The following CSMD1 variants were observed in gnomAD, a reference collection of about 807,000 sequenced individuals.
The protein encoded by CSMD1 is CUB and Sushi multiple domains 1, also known as CUB and sushi domain-containing protein 1.
Under a neutral mutation model 417.5 loss-of-function variants are expected in CSMD1, and 213 were observed. The observed-to-expected ratio is 0.51, with a 90% CI of 0.46 to 0.57. The LOEUF (loss-of-function observed/expected upper bound fraction) is 0.57, where lower values mean the gene tolerates loss of function less well. Among genes scored for constraint, CSMD1 ranks in the 20% least tolerant of loss-of-function variants. The probability of loss-of-function intolerance (pLI) is 0.00; values close to 1 mark genes in which losing one functional copy is unlikely to be tolerated. For synonymous variants in CSMD1, 2,862 were observed against 1,736.8 expected (o/e 1.65, Z -16.11); for missense variants, 6,923 against 4,529.7 (o/e 1.53, Z -15.17).
chr8:4,097,100 C>G (rs1294501430), intron 3 of CSMD1, among the ~76,000 whole-genome samples: 33 of 152,148 alleles, frequency 2.2e-4, no homozygotes, highest in Admixed American at 2.2e-3. Context: ...AGAAGCACGG[C>G]TGTGCCTTCC....
At chr8:3,448,924 C>A (rs1188499164) in intron 12 of CSMD1, among the ~76,000 whole-genome samples, 1 of 152,180 alleles carries the variant, frequency 6.6e-6, no homozygotes, top group Admixed American at 6.5e-5. Flanking sequence ...GAATGAGCCA[C>A]CTTCCCCCAA....
At chr8:4,241,557 C>T (rs1802403061) in intron 3 of CSMD1, among the ~76,000 whole-genome samples, 2 of 152,144 alleles carry the variant, frequency 1.3e-5, no homozygotes, top group African/African-American at 2.4e-5. Flanking sequence ...CCATGCTTAG[C>T]ACAAAAGATG....
intron 3 of CSMD1, among the ~76,000 whole-genome samples, chr8:4,096,765 AT>A (rs534475990): frequency 1.2e-3 from 189 of 152,270 alleles, no homozygotes; most frequent in African/African-American, 4.2e-3. Context: ...TTTCCCTGCA[AT>A]TTAGAAGACA....
intron 1 of CSMD1, among the ~76,000 whole-genome samples, chr8:4,888,919 G>T (rs1440856374): frequency 6.6e-6 from 1 of 152,026 alleles, no homozygotes; most frequent in Admixed American, 6.5e-5. Flanking sequence ...ATAATTAAAT[G>T]AGTTAATGAA....
chr8:4,259,951 G>T (rs946311789), intron 3 of CSMD1, among the ~76,000 whole-genome samples: 3 of 151,794 alleles, frequency 2.0e-5, no homozygotes, highest in Non-Finnish European at 2.9e-5. Context: ...GCTAACAAAT[G>T]TAATTGTTTC....
chr8:3,939,424 A>G (rs1563232598), intron 5 of CSMD1, among the ~76,000 whole-genome samples: 1 of 152,152 alleles, frequency 6.6e-6, no homozygotes, highest in Admixed American at 6.6e-5. Flanking sequence ...TGTATAAACT[A>G]CTACAACTAC....
At position 3,412,095 on chromosome 8, in the gene CSMD1, TATATATAC is replaced by T. The variant is rs761637060; in HGVS notation, c.1562-2498_1562-2491del. 9.6e-5 allele frequency among the ~76,000 whole-genome samples: 11 copies of T among 114,320 alleles called. 1 individual carries two copies. The highest frequency in any genetic ancestry group is 1.9e-4 in the African/African-American group (5 of 26,392). 75.0% of individuals were successfully genotyped at this position (114,320 alleles called of 152,430 possible). A position where few individuals can be genotyped will look rare whatever the true frequency, so the allele number is the denominator to read the frequency against. On this transcript the variant is annotated intron_variant, in intron 12 of 69. Coordinates refer to ENST00000635120, the MANE Select transcript of CSMD1 (RefSeq NM_033225.6). ...ACATATATACATATATATACACACG[TATATATAC>T]ATATATACATATATACACACGTATA...
intron 4 of CSMD1, among the ~76,000 whole-genome samples, chr8:4,008,551 TGTTA>T (rs1419404334): frequency 6.6e-6 from 1 of 151,428 alleles, no homozygotes; most frequent in East Asian, 1.9e-4. Flanking sequence ...AATACTTGAT[TGTTA>T]AAGTTAGCAC....
intron 5 of CSMD1, among the ~76,000 whole-genome samples, chr8:3,778,211 C>T (rs1471320143): frequency 6.6e-6 from 1 of 152,108 alleles, no homozygotes; most frequent in Non-Finnish European, 1.5e-5. Flanking sequence ...GCCGTTTGTC[C>T]TTTAGAGGTC....
intron 2 of CSMD1, among the ~76,000 whole-genome samples, chr8:4,520,368 G>A (rs891726302): frequency 1.3e-5 from 2 of 152,164 alleles, no homozygotes; most frequent in African/African-American, 2.4e-5. Flanking sequence ...ACAGCCTAGA[G>A]AAGACGACTT....
chr8:4,972,929 G>T (rs778942181), intron 1 of CSMD1, among the ~76,000 whole-genome samples: 1 of 152,090 alleles, frequency 6.6e-6, no homozygotes, highest in African/African-American at 2.4e-5. Flanking sequence ...TGAAAATACT[G>T]TAAGTTAACT....
At chr8:4,299,391 G>A (rs78224512) in intron 3 of CSMD1, among the ~76,000 whole-genome samples, 135 of 152,230 alleles carry the variant, frequency 8.9e-4, no homozygotes, top group African/African-American at 3.1e-3. Flanking sequence ...TAGATAACCA[G>A]TCGTCTCAAC....
At chr8:4,630,450 C>T (rs1802443244) in intron 2 of CSMD1, among the ~76,000 whole-genome samples, 1 of 151,308 alleles carries the variant, frequency 6.6e-6, no homozygotes, top group South Asian at 2.1e-4. Context: ...ACTGCAAATA[C>T]TCAAAAACAA....
At chr8:3,925,981 T>A (rs1028063745) in intron 5 of CSMD1, among the ~76,000 whole-genome samples, 2 of 149,642 alleles carry the variant, frequency 1.3e-5, no homozygotes, top group African/African-American at 5.0e-5. Context: ...AGTCACCCAA[T>A]TTACCCTATG....
chr8:2,992,672 G>A (rs1248995332), intron 54 of CSMD1, among the ~76,000 whole-genome samples: 8 of 152,104 alleles, frequency 5.3e-5, no homozygotes, highest in East Asian at 1.9e-4. Flanking sequence ...TGATCTGCCC[G>A]CCTCAGCCTC....
chr8:4,160,794 A>C (rs2131094792), intron 3 of CSMD1, among the ~76,000 whole-genome samples: 1 of 152,348 alleles, frequency 6.6e-6, no homozygotes, highest in Non-Finnish European at 1.5e-5. Context: ...TTACCCGTGA[A>C]GGTGGTGTAC....
At position 3,715,380 on chromosome 8, in the gene CSMD1, T is replaced by C. The variant is rs369618120; in HGVS notation, c.932-6889A>G. Among the ~76,000 whole-genome samples, 12 of 152,302 alleles carry C rather than the reference T, an allele frequency of 7.9e-5. No homozygotes were observed. In the East Asian group the frequency reaches 2.1e-3, roughly 27 times the overall value. On this transcript the variant is annotated intron_variant, in intron 6 of 69. Transcript: ENST00000635120. ...CATTTCACAGTCTAAAACCTGAGCC[T>C]CCAGGTCTGCCCTAAAGCTCATCAC...
At chr8:3,353,587 T>C (rs1808555024) in intron 21 of CSMD1, among the ~76,000 whole-genome samples, 1 of 152,184 alleles carries the variant, frequency 6.6e-6, no homozygotes, top group African/African-American at 2.4e-5. Flanking sequence ...AATAAGACAC[T>C]GACATTAAGT....
intron 3 of CSMD1, among the ~76,000 whole-genome samples, chr8:4,209,815 A>C (rs957774576): frequency 6.6e-6 from 1 of 152,162 alleles, no homozygotes; most frequent in Non-Finnish European, 1.5e-5. Context: ...ACTCATATTT[A>C]TATCCACTTT....
Sources: allele counts gnomAD v4.1 joint callset (sites outside exome capture counted in the v4.1 genomes callset), GRCh38; gene constraint gnomAD v4.1.1; transcripts MANE v1.5; gene names NCBI Gene and HGNC (gene_info 2026-07-23, HGNC 2026-07-21).